Variants in LILRA4 observed in about 807,000 individuals in gnomAD.
The protein encoded by LILRA4 is leukocyte immunoglobulin like receptor A4.
LILRA4 carries 51 observed loss-of-function variants against 49.5 expected under a neutral mutation model. The observed-to-expected ratio is 1.03, with a 90% CI of 0.82 to 1.30. The LOEUF (loss-of-function observed/expected upper bound fraction) is 1.30, where lower values mean the gene tolerates loss of function less well. Among genes scored for constraint, LILRA4 ranks in the 50% most tolerant of loss-of-function variants. The pLI is 0.00. For synonymous variants in LILRA4, 272 were observed against 265.6 expected (o/e 1.02, Z -0.23); for missense variants, 624 against 625.6 (o/e 1.00, Z 0.03).
intron 6 of LILRA4, chr19:54,336,637 A>C: frequency 1.2e-6 from 1 of 814,662 alleles, no homozygotes; most frequent in Non-Finnish European, 1.9e-6. Context: ...CTCCCCCTTC[A>C]CTGTCCTGTT....
rs752750103 is a variant in LILRA4 at position 54,337,571 on chromosome 19, C to A, written c.781G>T (p.Asp261Tyr). 1.2e-6 allele frequency: 2 copies of A among 1,610,392 alleles called. No homozygotes were observed. The highest frequency in any genetic ancestry group is 1.7e-6 in the Non-Finnish European group (2 of 1,178,280). ...CGGCCAGGGCGCTGGGGGAGGCCAT[C>A]GGCCCCCTCCTTGTACAGAGTGTAT... ...IRYTLYKEGA[D>Y]GLPQRPGRQP... The change falls in exon 5 of 8, where the codon GAT (aspartate) becomes TAT (tyrosine). Residue 261 changes from aspartate to tyrosine, a missense_variant. Coordinates refer to ENST00000291759, the MANE Select transcript of LILRA4 (RefSeq NM_012276.5).
Position 54,333,338 on chromosome 19 carries a change from C to A in LILRA4, c.*234G>T. On this transcript the variant is annotated 3_prime_UTR_variant, in exon 8 of 8. Transcript: ENST00000291759. ...AGCAGAGCATGAGGTCACAGAGGGG[C>A]GGACCCAAACCCACCATAGGGGTGA... 1 of 561,988 alleles carries A rather than the reference C, an allele frequency of 1.8e-6. No homozygotes were observed. Among genetic ancestry groups the A allele is most frequent in the African/African-American group, 1.9e-5 (1 of 52,398 alleles). The allele number at this position is 561,988 out of a possible 1,614,324, so 34.8% of individuals were successfully genotyped here. A position where few individuals can be genotyped will look rare whatever the true frequency, so the allele number is the denominator to read the frequency against.
In LILRA4 at chr19:54,338,223, G is replaced by A. The variant is rs1191265441; in HGVS notation, c.368C>T (p.Pro123Leu). The A allele has an allele frequency of 1.9e-6, 3 of 1,610,868 alleles. No homozygotes were observed. The East Asian group carries it at 6.7e-5, about 36-fold the overall frequency. Reference sequence around the variant, plus strand: ...AGGGCTTGGCAGTGCGGACAGGGTGGGTCTGCTGTAGGCTTTCAAGAGAAA... The same window carrying A: ...AGGGCTTGGCAGTGCGGACAGGGTGAGTCTGCTGTAGGCTTTCAAGAGAAA... ...LELVVTAYSR[P>L]TLSALPSPVV... The change falls in exon 4 of 8, where the codon CCC becomes CTC. Residue 123 changes from proline to leucine, a missense_variant. Coordinates refer to ENST00000291759, the MANE Select transcript of LILRA4 (RefSeq NM_012276.5).
chr19:54,338,976 G>A, intron 1 of LILRA4, 75 bp from the exon 2 acceptor site: 1 of 1,612,006 alleles, frequency 6.2e-7, no homozygotes, highest in South Asian at 1.1e-5. Flanking sequence ...GAGCCCCTGG[G>A]ATGCCCTAAT....
Position 54,337,381 on chromosome 19 carries a change from A to G in LILRA4, c.952+19T>C, listed in dbSNP as rs2081337725. On this transcript the variant is annotated intron_variant, in intron 5 of 7. Transcript: ENST00000291759. ...TGCAGAGCCTGGGTCCCCCTGACTG[A>G]ACCCGCTGGGCTCCTCACCTGCGAT... The G allele has an allele frequency of 1.2e-6, 2 of 1,609,594 alleles. No homozygotes were observed. Among genetic ancestry groups the G allele is most frequent in the African/African-American group, 2.7e-5 (2 of 74,732 alleles).
chr19:54,338,072 A>G lies in LILRA4; in HGVS notation c.519T>C (p.His173=), dbSNP rs753673608. The change falls in exon 4 of 8, where the codon CAT becomes CAC. Residue 173 remains histidine, a synonymous_variant. Transcript: ENST00000291759. The stretch of plus-strand genomic sequence containing the variant: ...TGGGGAACAGGGCCTGGAACTTTCC[A>G]TGGTTGTGTTGGTGTGAGTTCAGGG... The part of the protein sequence containing the change: ...SWTLNSHQHN[H]GKFQALFPMG... 6 of 1,614,002 alleles carry G rather than the reference A, an allele frequency of 3.7e-6. No individual in the cohort carries two copies. The Admixed American group carries it at 1.0e-4, about 27-fold the overall frequency.
In LILRA4 at chr19:54,338,857, C is replaced by A. The variant is rs769602390; in HGVS notation, c.70+9G>T. The A allele has an allele frequency of 8.7e-6, 14 of 1,613,974 alleles. No homozygotes were observed. The highest frequency in any genetic ancestry group is 1.1e-5 in the Non-Finnish European group (13 of 1,180,004). ...AGGAGGGACCTAGGACAGCTGGGGA[C>A]AGACTCACCTGCCTGCACCCGGGTC... On this transcript the variant is annotated intron_variant, in intron 2 of 7. Transcript: ENST00000291759.
Position 54,333,528 on chromosome 19 carries a change from C to G in LILRA4, c.*44G>C. 6 of 1,588,808 alleles carry G rather than the reference C, an allele frequency of 3.8e-6. No individual in the cohort carries two copies. The highest frequency in any genetic ancestry group is 5.2e-6 in the Non-Finnish European group (6 of 1,159,034). Reference sequence around the variant, plus strand: ...TTCCCCTTGATATTCTCAGCAGACACTTCCCCAACTGCTGCCCCAGTCTTC... The same window carrying G: ...TTCCCCTTGATATTCTCAGCAGACAGTTCCCCAACTGCTGCCCCAGTCTTC... On this transcript the variant is annotated 3_prime_UTR_variant, in exon 8 of 8. Coordinates refer to ENST00000291759, the MANE Select transcript of LILRA4 (RefSeq NM_012276.5).
chr19:54,338,960 T>C, intron 1 of LILRA4, 59 bp from the exon 2 acceptor site: 1 of 1,613,416 alleles, frequency 6.2e-7, no homozygotes. Context: ...TCTTCTTCTT[T>C]TCCTTGAGCC....
At position 54,337,134 on chromosome 19, in the gene LILRA4, G is replaced by C. The variant is rs747874323; in HGVS notation, c.962C>G (p.Ser321Cys). Reference sequence around the variant, plus strand: ...CTGCACTGAGAGGGAGGGTCTGTCAGAGATCTGTCCTGGAGAAAAGAAGGA... The same window carrying C: ...CTGCACTGAGAGGGAGGGTCTGTCACAGATCTGTCCTGGAGAAAAGAAGGA... The part of the protein sequence containing the change: ...PLDILIAGQI[S>C]DRPSLSVQPG... The change falls in exon 6 of 8, where the codon TCT becomes TGT. Residue 321 changes from serine (S) to cysteine (C), a missense_variant. Transcript: ENST00000291759. 1.2e-6 allele frequency: 2 copies of C among 1,611,784 alleles called. No homozygotes were observed. The highest frequency in any genetic ancestry group is 8.5e-7 in the Non-Finnish European group (1 of 1,178,464).
chr19:54,333,414 T>G lies in LILRA4; in HGVS notation c.*158A>C. ...CGAAGGAAGGGGCAGTCAAGGAGAGTCGACAATGAGGAGGAAAGCACCACA... is the reference window on the plus strand; with the variant it reads ...CGAAGGAAGGGGCAGTCAAGGAGAGGCGACAATGAGGAGGAAAGCACCACA... On this transcript the variant is annotated 3_prime_UTR_variant, in exon 8 of 8. Coordinates refer to ENST00000291759, the MANE Select transcript of LILRA4 (RefSeq NM_012276.5). The G allele has an allele frequency of 1.4e-6, 1 of 695,824 alleles. No individual in the cohort carries two copies. The highest frequency in any genetic ancestry group is 2.8e-5 in the East Asian group (1 of 35,820). The allele number at this position is 695,824 out of a possible 1,614,324, so 43.1% of individuals were successfully genotyped here.
At position 54,336,843 on chromosome 19, in the gene LILRA4, G is replaced by A; in HGVS notation, c.1253C>T (p.Ser418Leu). 1 of 1,614,220 alleles carries A rather than the reference G, an allele frequency of 6.2e-7. No homozygotes were observed. The highest frequency in any genetic ancestry group is 1.3e-5 in the African/African-American group (1 of 75,068). Reference protein sequence around the residue: ...HPSEPLELVVSGATETLNPAQ... With the variant: ...HPSEPLELVVLGATETLNPAQ... ...GTGGACAGGGTCAGCGCCCTCACCTGAGACCACGAGCTCCAGGGGCTCACT... is the reference window on the plus strand; with the variant it reads ...GTGGACAGGGTCAGCGCCCTCACCTAAGACCACGAGCTCCAGGGGCTCACT... Residue 418 changes from serine (S) to leucine (L), a missense_variant and splice_region_variant, in exon 6 of 8, where the codon TCA becomes TTA. By Grantham distance (145) the Ser-to-Leu change is moderately radical. Coordinates refer to ENST00000291759, the MANE Select transcript of LILRA4 (RefSeq NM_012276.5).
chr19:54,334,123 G>T, intron 6 of LILRA4, 158 bp from the exon 7 acceptor site: 1 of 620,588 alleles, frequency 1.6e-6, no homozygotes, highest in Non-Finnish European at 2.8e-6. Context: ...ACGTCATTGG[G>T]TTTTTCAACC....
Position 54,337,656 on chromosome 19 carries a change from A to G in LILRA4, c.696T>C (p.Pro232=), listed in dbSNP as rs368496188. ...TCAGATTCTCTCCGGGGGTCACGAC[A>G]GGGCCCTGCAGGGTCAGGAGGGAGG... The part of the protein sequence containing the change: ...RKPSLLTLQG[P]VVTPGENLTL... Residue 232 remains proline (P), a synonymous_variant, in exon 5 of 8, where the codon CCT becomes CCC. Coordinates refer to ENST00000291759, the MANE Select transcript of LILRA4 (RefSeq NM_012276.5). 6.2e-7 allele frequency: 1 copy of G among 1,613,268 alleles called. No homozygotes were observed.
chr19:54,336,963 G>A lies in LILRA4; in HGVS notation c.1133C>T (p.Ala378Val). 1 of 1,614,232 alleles carries A rather than the reference G, an allele frequency of 6.2e-7. No homozygotes were observed. The highest frequency in any genetic ancestry group is 1.3e-5 in the African/African-American group (1 of 75,066). The change falls in exon 6 of 8, where the codon GCT becomes GTT. Residue 378 changes from alanine to valine, a missense_variant. Transcript: ENST00000291759. ...GGTCACAGGACTCATGGGGAATTCA[G>A]CCTGGTACTTATGAGCTCCGTACAT... ...RSMYGAHKYQ[A>V]EFPMSPVTSA...
intron 6 of LILRA4, chr19:54,334,586 A>C (rs1234267388): frequency 6.6e-6 from 1 of 152,234 alleles, no homozygotes; most frequent in East Asian, 1.9e-4. Flanking sequence ...TGGGACAGAA[A>C]AACATCATTT....
At position 54,338,654 on chromosome 19, in the gene LILRA4, C is replaced by A. The variant is rs1019085796; in HGVS notation, c.97G>T (p.Ala33Ser). The change falls in exon 3 of 8, where the codon GCC (alanine) becomes TCC (serine). Residue 33 changes from alanine to serine, a missense_variant. Physicochemically the swap from Ala to Ser is moderately conservative, Grantham distance 99. Transcript: ENST00000291759. ...CAGGTGATCACGGGACCTGGCTCGG[C>A]CCACAGGATGGGTTTGAGTAGGTTT... ...AENLLKPILW[A>S]EPGPVITWHN... 1 of 1,612,992 alleles carries A rather than the reference C, an allele frequency of 6.2e-7. No individual in the cohort carries two copies. The highest frequency in any genetic ancestry group is 1.1e-5 in the South Asian group (1 of 90,994).
chr19:54,334,898 C>T (rs2081307558), intron 6 of LILRA4: 1 of 151,724 alleles, frequency 6.6e-6, no homozygotes, highest in African/African-American at 2.4e-5. Flanking sequence ...TGGCGTGAAC[C>T]CCAGAGGCGG....
rs1354573752 is a variant in LILRA4, at chr19:54,336,866, A to G, written c.1230T>C (p.Ser410=). ...CTGAGACCACGAGCTCCAGGGGCTC[A>G]CTGGGGTGAGACAGCAGGTAGGGGT... ...SSNPYLLSHP[S]EPLELVVSGA... Residue 410 remains serine (S), a synonymous_variant, in exon 6 of 8, where the codon AGT becomes AGC. Coordinates refer to ENST00000291759, the MANE Select transcript of LILRA4 (RefSeq NM_012276.5). 6.8e-6 allele frequency: 11 copies of G among 1,614,108 alleles called. No individual in the cohort carries two copies. The highest frequency in any genetic ancestry group is 1.3e-5 in the African/African-American group (1 of 74,938).
Sources: allele counts gnomAD v4.1 joint callset, GRCh38; gene constraint gnomAD v4.1.1; transcripts MANE v1.5; gene names NCBI Gene and HGNC (gene_info 2026-07-23, HGNC 2026-07-21).